The following LNPEP variants were observed in gnomAD, a reference collection of about 807,000 sequenced individuals.
The protein encoded by LNPEP is leucyl-cystinyl aminopeptidase.
In LNPEP, 64 loss-of-function variants were observed where a neutral mutation model predicts 120.6. That is an observed-to-expected ratio of 0.53 (90% CI 0.43 to 0.65). The LOEUF is 0.65. Among genes scored for constraint, LNPEP ranks in the 30% least tolerant of loss-of-function variants. The pLI is 0.00. For synonymous variants in LNPEP, 435 were observed against 425.4 expected, an observed-to-expected ratio of 1.02 and a Z score of -0.28; for missense variants, 1,057 against 1,200.0, an observed-to-expected ratio of 0.88 and a Z score of 1.76.
At chr5:97,019,586 T>A (rs771578442) in intron 13 of LNPEP, among the ~76,000 whole-genome samples, 7 of 152,208 alleles carry the variant, frequency 4.6e-5, no homozygotes, top group Non-Finnish European at 8.8e-5. Flanking sequence ...TGTAATTCGG[T>A]GGTGTAACTG....
chr5:96,937,036 G>C (rs1256487046), intron 1 of LNPEP: 1 of 152,182 alleles, frequency 6.6e-6, no homozygotes, highest in Non-Finnish European at 1.5e-5. Context: ...ACCGTTTTGC[G>C]GTGTTGAGTG....
intron 1 of LNPEP, among the ~76,000 whole-genome samples, chr5:96,938,912 T>C (rs1461689733): frequency 6.6e-6 from 1 of 152,056 alleles, no homozygotes; most frequent in Non-Finnish European, 1.5e-5. Flanking sequence ...TTAAGATTGT[T>C]TTGGCAATAA....
In LNPEP at chr5:97,022,422, G is replaced by A; in HGVS notation, c.2499G>A (p.Gly833=). ...AGTTTGCTTGCACCCACAACCTGGGGAACTGCTCTACTACTGCCATGAAAC... is the reference window on the plus strand; with the variant it reads ...AGTTTGCTTGCACCCACAACCTGGGAAACTGCTCTACTACTGCCATGAAAC... ...LLEFACTHNL[G]NCSTTAMKLF... is the part of the protein sequence containing the mutation. The change falls in exon 14 of 18, where the codon GGG becomes GGA. Residue 833 remains glycine (G), a synonymous_variant. Coordinates refer to ENST00000231368, the MANE Select transcript of LNPEP (RefSeq NM_005575.3). 1 of 1,614,082 alleles carries A rather than the reference G, an allele frequency of 6.2e-7. No individual in the cohort carries two copies. The highest frequency in any genetic ancestry group is 2.2e-5 in the East Asian group (1 of 44,874).
At chr5:97,009,668 C>A (rs1411152524) in intron 11 of LNPEP, among the ~76,000 whole-genome samples, 2 of 136,468 alleles carry the variant, frequency 1.5e-5, no homozygotes, top group Non-Finnish European at 3.1e-5. Flanking sequence ...CTCTTCTCAA[C>A]TGTGTTATTT....
rs977278132 is a variant in LNPEP at position 96,957,150 on chromosome 5, C to A, written c.19+20976C>A. 4.3e-4 allele frequency among the ~76,000 whole-genome samples: 65 copies of A among 152,214 alleles called. 1 individual carries two copies. Among genetic ancestry groups the A allele is most frequent in the Non-Finnish European group, 8.1e-4 (55 of 68,010 alleles). ...TTCCATTGAGGATTGTTTACATTTT[C>A]TTGGTCCTTTGTATTTCAAGTAGTT... On this transcript the variant is annotated intron_variant, in intron 1 of 17. Coordinates refer to ENST00000231368, the MANE Select transcript of LNPEP (RefSeq NM_005575.3).
At chr5:96,946,900 A>G (rs549101152) in intron 1 of LNPEP, among the ~76,000 whole-genome samples, 5 of 152,342 alleles carry the variant, frequency 3.3e-5, no homozygotes, top group Admixed American at 3.3e-4. Flanking sequence ...TTCTGTATAC[A>G]TTGAAGAGTT....
intron 1 of LNPEP, among the ~76,000 whole-genome samples, chr5:96,941,706 A>G (rs1581971165): frequency 6.6e-6 from 1 of 152,156 alleles, no homozygotes; most frequent in South Asian, 2.1e-4. Flanking sequence ...CTCTGTGTCC[A>G]TGGAAGGGTG....
At chr5:97,026,516 A>G in intron 15 of LNPEP, 101 bp from the exon 16 acceptor site, 1 of 870,992 alleles carries the variant, frequency 1.1e-6, no homozygotes, top group Middle Eastern at 2.3e-4. Context: ...TCAATTTGCT[A>G]CACAGCTTTA....
chr5:97,008,337 G>GTTTTTTTTTTTTTTTTT (rs781727347), intron 11 of LNPEP, among the ~76,000 whole-genome samples: 17 of 59,840 alleles, frequency 2.8e-4, no homozygotes, highest in East Asian at 5.9e-4. Flanking sequence ...GTTTTTTCTT[G>GTTTTTTTTTTTTTTTTT]TTTTTTTTTT....
chr5:96,974,340 C>A (rs1419611357), intron 1 of LNPEP, among the ~76,000 whole-genome samples: 3 of 152,224 alleles, frequency 2.0e-5, no homozygotes, highest in Non-Finnish European at 4.4e-5. Context: ...CATGCACATG[C>A]CTCTTCTCTG....
intron 1 of LNPEP, chr5:96,942,987 G>T (rs997551900): frequency 1.2e-5 from 2 of 167,510 alleles, no homozygotes; most frequent in Middle Eastern, 2.7e-3. Flanking sequence ...AAAGTGATAG[G>T]ACCAGTTTGA....
chr5:96,968,831 G>A (rs922609399), intron 1 of LNPEP, among the ~76,000 whole-genome samples: 1 of 152,074 alleles, frequency 6.6e-6, no homozygotes, highest in Non-Finnish European at 1.5e-5. Context: ...TGTAACATGT[G>A]TATGGTCTCA....
At chr5:96,989,693 T>C (rs1052378054) in intron 4 of LNPEP, among the ~76,000 whole-genome samples, 1 of 152,058 alleles carries the variant, frequency 6.6e-6, no homozygotes, top group Non-Finnish European at 1.5e-5. Context: ...CTTTCTTTGC[T>C]GAGCTATGTT....
chr5:96,964,279 T>C (rs75202025), intron 1 of LNPEP, among the ~76,000 whole-genome samples: 1 of 151,936 alleles, frequency 6.6e-6, no homozygotes, highest in Admixed American at 6.6e-5. Context: ...TTTGTTAATT[T>C]ATTAAGATCT....
intron 2 of LNPEP, among the ~76,000 whole-genome samples, chr5:96,980,944 T>A (rs963991633): frequency 6.6e-6 from 1 of 152,236 alleles, no homozygotes; most frequent in Non-Finnish European, 1.5e-5. Context: ...ATTTTCCCTC[T>A]ATGTAATACT....
chr5:97,013,337 C>T (rs919021584), intron 11 of LNPEP, among the ~76,000 whole-genome samples: 2 of 152,072 alleles, frequency 1.3e-5, no homozygotes, highest in Non-Finnish European at 2.9e-5. Context: ...CTGTCAATAG[C>T]GCTTGTATGA....
Position 96,983,553 on chromosome 5 carries a change from C to T in LNPEP, c.861-1527C>T, listed in dbSNP as rs150101452. Among the ~76,000 whole-genome samples the T allele has an allele frequency of 4.1e-3, 619 of 152,230 alleles. 5 individuals are homozygous for T. The highest frequency in any genetic ancestry group is 0.014 in the African/African-American group (594 of 41,548). ...CTCTGCCTCCCAGGTGCAAGCGATT[C>T]TCCTGCCTCTGTCTCCTGAGTAGCT... On this transcript the variant is annotated intron_variant, in intron 2 of 17. Transcript: ENST00000231368.
chr5:96,984,265 T>C (rs1790190512), intron 2 of LNPEP, among the ~76,000 whole-genome samples: 6 of 152,222 alleles, frequency 3.9e-5, no homozygotes, highest in Admixed American at 3.9e-4. Flanking sequence ...CTTATATACC[T>C]TCTAAACTAT....
chr5:96,985,211 T>C lies in LNPEP; in HGVS notation c.992T>C (p.Met331Thr). The C allele has an allele frequency of 6.2e-7, 1 of 1,613,676 alleles. No homozygotes were observed. Among genetic ancestry groups the C allele is most frequent in the Non-Finnish European group, 8.5e-7 (1 of 1,179,708 alleles). Residue 331 changes from methionine (M) to threonine (T), a missense_variant, in exon 3 of 18, where the codon ATG becomes ACG. Physicochemically the swap from Met to Thr is moderately conservative, Grantham distance 81 (BLOSUM62 -1). Coordinates refer to ENST00000231368, the MANE Select transcript of LNPEP (RefSeq NM_005575.3). ...RDEQYTALSN[M>T]PKKSSVVLDD... ...GAGCAATACACCGCTTTATCAAATA[T>C]GCCTAAGGTACTGTTCTGTTCCTTG... is the stretch of plus-strand genomic sequence containing the variant.
Sources: gnomAD v4.1 joint callset for allele counts (sites outside exome capture counted in the v4.1 genomes callset) on GRCh38, gnomAD v4.1.1 for gene constraint, MANE v1.5 for transcripts, NCBI Gene and HGNC (gene_info 2026-07-23, HGNC 2026-07-21) for gene names.